STXBP5L: variants seen among roughly 807,000 people sequenced by gnomAD.
STXBP5L encodes syntaxin binding protein 5L, also known as syntaxin-binding protein 5-like.
Under a neutral mutation model 144.5 loss-of-function variants are expected in STXBP5L, and 65 were observed. The observed-to-expected ratio is 0.45, with a 90% CI of 0.37 to 0.55. The LOEUF is 0.55. STXBP5L is among the 20% of genes least tolerant of loss of function. The probability of loss-of-function intolerance (pLI) is 0.00; values close to 1 mark genes in which losing one functional copy is unlikely to be tolerated. For synonymous variants in STXBP5L, 505 were observed against 469.6 expected, an observed-to-expected ratio of 1.08 and a Z score of -0.97; for missense variants, 1,298 against 1,405.5, an observed-to-expected ratio of 0.92 and a Z score of 1.22.
In STXBP5L at chr3:121,230,794, A is replaced by C. The variant is rs187552871; in HGVS notation, c.1112-2822A>C. ...GGGATAGTTAGATTCAAACTTCGTC[A>C]CTGTTAAACTAACAATTTTAGTTTA... On this transcript the variant is annotated intron_variant, in intron 11 of 26. Transcript: ENST00000471454. Among the ~76,000 whole-genome samples, 1,474 of 152,288 alleles carry C rather than the reference A, an allele frequency of 9.7e-3. 9 individuals carry two copies. Among genetic ancestry groups the C allele is most frequent in the Non-Finnish European group, 0.015 (998 of 68,018 alleles).
At chr3:121,073,933 A>G (rs2041914267) in intron 5 of STXBP5L, among the ~76,000 whole-genome samples, 1 of 152,156 alleles carries the variant, frequency 6.6e-6, no homozygotes, top group Non-Finnish European at 1.5e-5. Context: ...TTGGCCACAG[A>G]TTTGTGCCTT....
intron 5 of STXBP5L, among the ~76,000 whole-genome samples, chr3:121,107,491 C>T (rs1576977598): frequency 6.6e-6 from 1 of 152,038 alleles, no homozygotes; most frequent in Non-Finnish European, 1.5e-5. Context: ...CCCATTGCTT[C>T]TTTTTGTCAG....
chr3:120,953,181 C>A (rs529182232), intron 2 of STXBP5L, among the ~76,000 whole-genome samples: 1 of 152,120 alleles, frequency 6.6e-6, no homozygotes, highest in South Asian at 2.1e-4. Flanking sequence ...GAAATAGATT[C>A]ACTTAAAGAG....
chr3:121,194,216 A>G (rs1357453130), intron 9 of STXBP5L, among the ~76,000 whole-genome samples: 2 of 152,134 alleles, frequency 1.3e-5, no homozygotes, highest in South Asian at 2.1e-4. Flanking sequence ...ACCCTAGGCA[A>G]TAACTACTTT....
intron 5 of STXBP5L, among the ~76,000 whole-genome samples, chr3:121,076,366 T>G (rs558854495): frequency 6.6e-6 from 1 of 152,338 alleles, no homozygotes; most frequent in East Asian, 1.9e-4. Context: ...GTGGACTTTC[T>G]AACTCTTCAG....
chr3:121,129,642 C>A (rs2044878791), intron 7 of STXBP5L, among the ~76,000 whole-genome samples: 1 of 152,036 alleles, frequency 6.6e-6, no homozygotes, highest in South Asian at 2.1e-4. Context: ...GAAAGGACTG[C>A]AGTGTAAATT....
chr3:121,336,530 A>G (rs2044512207), intron 20 of STXBP5L, among the ~76,000 whole-genome samples: 1 of 152,080 alleles, frequency 6.6e-6, no homozygotes. Context: ...AAACAAACAA[A>G]CAAACAAAAA....
At chr3:121,177,198 G>A (rs888243586) in intron 9 of STXBP5L, among the ~76,000 whole-genome samples, 3 of 151,952 alleles carry the variant, frequency 2.0e-5, no homozygotes, top group Admixed American at 6.6e-5. Context: ...AAAATAATAT[G>A]GCATGGCTGA....
intron 2 of STXBP5L, among the ~76,000 whole-genome samples, chr3:120,951,710 C>A (rs1392755118): frequency 2.6e-5 from 4 of 151,724 alleles, no homozygotes; most frequent in African/African-American, 7.2e-5. Context: ...GTTGTTGGGA[C>A]TGTAAACTAG....
intron 3 of STXBP5L, among the ~76,000 whole-genome samples, chr3:121,014,690 C>G (rs1945019420): frequency 6.8e-6 from 1 of 146,258 alleles, no homozygotes. Flanking sequence ...CAATTTTACA[C>G]TCTCACCAGC....
rs1448694049 is a variant in STXBP5L, at chr3:121,424,179, T to C, written c.*5082T>C. On this transcript the variant is annotated 3_prime_UTR_variant, in exon 27 of 27. Coordinates refer to ENST00000471454, the MANE Select transcript of STXBP5L (RefSeq NM_001308330.2). Reference sequence around the variant, plus strand: ...TACCAGGTACCTGTTCTGCTGTAGGTATATTTCACTGGACTTGGTCTTAGC... The same window carrying C: ...TACCAGGTACCTGTTCTGCTGTAGGCATATTTCACTGGACTTGGTCTTAGC... The C allele has an allele frequency of 6.6e-6, 1 of 152,210 alleles. No homozygotes were observed. The highest frequency in any genetic ancestry group is 1.5e-5 in the Non-Finnish European group (1 of 68,024). 9.4% of individuals were successfully genotyped at this position (152,210 alleles called of 1,614,324 possible).
chr3:121,098,957 A>G (rs2043276886), intron 5 of STXBP5L, among the ~76,000 whole-genome samples: 1 of 152,156 alleles, frequency 6.6e-6, no homozygotes, highest in Admixed American at 6.6e-5. Context: ...CAGATCCTGC[A>G]ATTCTGGTGC....
chr3:121,155,430 T>C (rs917498449), intron 8 of STXBP5L, among the ~76,000 whole-genome samples: 4 of 151,904 alleles, frequency 2.6e-5, no homozygotes, highest in Non-Finnish European at 5.9e-5. Flanking sequence ...TCTTCATAAA[T>C]AGCCATTGAT....
In STXBP5L at chr3:121,001,388, C is replaced by T. The variant is rs545465980; in HGVS notation, c.288-40312C>T. 1.3e-4 allele frequency among the ~76,000 whole-genome samples: 20 copies of T among 152,300 alleles called. No individual in the cohort carries two copies. The East Asian group carries it at 3.9e-3, about 29-fold the overall frequency. On this transcript the variant is annotated intron_variant, in intron 3 of 26. Transcript: ENST00000471454. ...AAGGGGATACTCAGATCAGACTGGT[C>T]ACATCCCACAGGCACGATAGCTCTG...
At chr3:121,001,247 G>A (rs1943750989) in intron 3 of STXBP5L, among the ~76,000 whole-genome samples, 1 of 152,192 alleles carries the variant, frequency 6.6e-6, no homozygotes, top group African/African-American at 2.4e-5. Context: ...CAGTTAGGCT[G>A]GGTCTTCCAG....
chr3:120,995,702 A>G (rs1227504878), intron 3 of STXBP5L, among the ~76,000 whole-genome samples: 1 of 152,174 alleles, frequency 6.6e-6, no homozygotes, highest in South Asian at 2.1e-4. Context: ...CTAGAATAAT[A>G]TAATTTTCTT....
chr3:121,406,133 C>T (rs1000701363), intron 22 of STXBP5L, among the ~76,000 whole-genome samples: 3 of 151,930 alleles, frequency 2.0e-5, no homozygotes, highest in Non-Finnish European at 4.4e-5. Flanking sequence ...GTTCTTTTAT[C>T]CCTTAACCCT....
chr3:121,163,248 A>G (rs1218321381), intron 9 of STXBP5L, among the ~76,000 whole-genome samples: 2 of 152,236 alleles, frequency 1.3e-5, no homozygotes, highest in African/African-American at 2.4e-5. Flanking sequence ...GCCATAAAAA[A>G]GAATGAGTTC....
chr3:121,235,181 G>A (rs929497357), intron 12 of STXBP5L, among the ~76,000 whole-genome samples: 1 of 151,828 alleles, frequency 6.6e-6, no homozygotes, highest in African/African-American at 2.4e-5. Context: ...AATCTATGTG[G>A]CATTCCCATT....
Sources: allele counts gnomAD v4.1 joint callset (sites outside exome capture counted in the v4.1 genomes callset), GRCh38; gene constraint gnomAD v4.1.1; transcripts MANE v1.5; gene names NCBI Gene and HGNC (gene_info 2026-07-23, HGNC 2026-07-21).